Variants in GRAMD1C observed in about 807,000 individuals in gnomAD.
The protein encoded by GRAMD1C is protein Aster-C.
A neutral mutation model predicts 97.8 loss-of-function variants in GRAMD1C; 89 were observed. The ratio of observed to expected loss-of-function variants is 0.91; its 90% CI spans 0.77 to 1.09. The LOEUF (loss-of-function observed/expected upper bound fraction) is 1.09. Among genes scored for constraint, GRAMD1C ranks in the 50% least tolerant of loss-of-function variants. The pLI is 0.00. For synonymous variants in GRAMD1C, 256 were observed against 267.0 expected, an observed-to-expected ratio of 0.96 and a Z score of 0.40; for missense variants, 740 against 766.4, an observed-to-expected ratio of 0.97 and a Z score of 0.41.
At chr3:113,850,850 G>A (rs958660771) in intron 2 of GRAMD1C, 2 of 377,648 alleles carry the variant, frequency 5.3e-6, no homozygotes, top group East Asian at 4.9e-5. Context: ...CACCCAGGCA[G>A]GAGTGCAGTG....
chr3:113,860,266 C>T (rs954518944), intron 2 of GRAMD1C, among the ~76,000 whole-genome samples: 85 of 152,148 alleles, frequency 5.6e-4, no homozygotes, highest in African/African-American at 1.4e-3. Context: ...ATGATCCACC[C>T]GCCTTGGCCT....
chr3:113,844,479 A>T (rs771442052), intron 1 of GRAMD1C, 24 bp from the exon 2 acceptor site: 2 of 1,539,300 alleles, frequency 1.3e-6, no homozygotes, highest in South Asian at 2.3e-5. Flanking sequence ...TAAATAATTG[A>T]CTTAGTTTGA....
At chr3:113,857,213 T>C (rs1236767272) in intron 2 of GRAMD1C, among the ~76,000 whole-genome samples, 2 of 152,152 alleles carry the variant, frequency 1.3e-5, no homozygotes. Context: ...TTGCACTGGC[T>C]GAAACTTCCA....
Position 113,904,229 on chromosome 3 carries a change from G to A in GRAMD1C, c.746G>A (p.Arg249Gln), listed in dbSNP as rs374197239. ...AGTTTTACCAGTGAATCAATTAGTC[G>A]GGTTTCAGAAACAGAGTCATTCGAT... ...SISFTSESIS[R>Q]VSETESFDGN... The change falls in exon 8 of 18, where the codon CGG (arginine) becomes CAG (glutamine). Residue 249 changes from arginine to glutamine, a missense_variant. Coordinates refer to ENST00000358160, the MANE Select transcript of GRAMD1C (RefSeq NM_017577.5). 45 of 1,608,282 alleles carry A rather than the reference G, an allele frequency of 2.8e-5. No individual in the cohort carries two copies. Among genetic ancestry groups the A allele is most frequent in the Middle Eastern group, 1.7e-4 (1 of 6,052 alleles).
intron 2 of GRAMD1C, among the ~76,000 whole-genome samples, chr3:113,862,579 T>G (rs1206035830): frequency 1.3e-5 from 2 of 152,174 alleles, no homozygotes; most frequent in Admixed American, 6.6e-5. Flanking sequence ...ATTTGTGCAG[T>G]TAACGCAATC....
At chr3:113,851,836 C>CA (rs924717990) in intron 2 of GRAMD1C, among the ~76,000 whole-genome samples, 1 of 151,540 alleles carries the variant, frequency 6.6e-6, no homozygotes, top group Non-Finnish European at 1.5e-5. Flanking sequence ...TTTAACTGTG[C>CA]AAAAAATCAG....
intron 2 of GRAMD1C, among the ~76,000 whole-genome samples, chr3:113,860,843 G>C (rs890471278): frequency 6.6e-6 from 1 of 151,952 alleles, no homozygotes; most frequent in South Asian, 2.1e-4. Context: ...GTGGGCACCT[G>C]TAATCCCAGC....
chr3:113,895,238 C>T (rs1398430787), intron 6 of GRAMD1C, among the ~76,000 whole-genome samples: 4 of 152,062 alleles, frequency 2.6e-5, no homozygotes, highest in Non-Finnish European at 4.4e-5. Context: ...ATCTGACTTC[C>T]AAGGTATTCA....
intron 10 of GRAMD1C, among the ~76,000 whole-genome samples, chr3:113,928,261 T>C (rs1937297887): frequency 6.6e-6 from 1 of 152,158 alleles, no homozygotes. Context: ...TGTTGTTTCC[T>C]GTTTGTGAGA....
At chr3:113,942,587 C>A (rs764841396) in intron 17 of GRAMD1C, among the ~76,000 whole-genome samples, 1 of 151,982 alleles carries the variant, frequency 6.6e-6, no homozygotes, top group Non-Finnish European at 1.5e-5. Context: ...AGGAGCTGAG[C>A]GGAAGAGGGA....
intron 9 of GRAMD1C, among the ~76,000 whole-genome samples, chr3:113,912,055 C>T (rs1487781049): frequency 2.0e-5 from 3 of 152,002 alleles, no homozygotes; most frequent in Admixed American, 2.0e-4. Flanking sequence ...CTTTAGAGGC[C>T]CCATCTCCAA....
intron 6 of GRAMD1C, chr3:113,885,836 C>T: frequency 3.1e-6 from 5 of 1,611,662 alleles, no homozygotes; most frequent in Non-Finnish European, 4.2e-6. Context: ...GTGACCTCTC[C>T]AGCATTGTGA....
At chr3:113,843,526 C>G (rs1168696576) in intron 1 of GRAMD1C, among the ~76,000 whole-genome samples, 1 of 152,160 alleles carries the variant, frequency 6.6e-6, no homozygotes, top group African/African-American at 2.4e-5. Context: ...GTCACCCAGG[C>G]TGGCATGCAG....
intron 10 of GRAMD1C, among the ~76,000 whole-genome samples, chr3:113,923,382 A>T (rs1937129164): frequency 6.6e-6 from 1 of 152,104 alleles, no homozygotes; most frequent in Non-Finnish European, 1.5e-5. Flanking sequence ...TTGCCCATTC[A>T]GTATGATGTT....
upstream of GRAMD1C, among the ~76,000 whole-genome samples, chr3:113,836,734 T>C (rs944320604): frequency 1.3e-5 from 2 of 151,934 alleles, no homozygotes; most frequent in Non-Finnish European, 2.9e-5. Flanking sequence ...GCCTCCACTT[T>C]CCAGGTTCAA....
chr3:113,855,425 C>T (rs1035335590), intron 2 of GRAMD1C, among the ~76,000 whole-genome samples: 6 of 151,206 alleles, frequency 4.0e-5, no homozygotes, highest in Non-Finnish European at 5.9e-5. Context: ...TGATTTTGGC[C>T]GGCCACAGTG....
chr3:113,918,656 T>A (rs996281960), intron 10 of GRAMD1C, among the ~76,000 whole-genome samples: 2 of 152,204 alleles, frequency 1.3e-5, no homozygotes, highest in African/African-American at 4.8e-5. Flanking sequence ...CAAAGCATAC[T>A]GCTATCTTCT....
intron 10 of GRAMD1C, among the ~76,000 whole-genome samples, chr3:113,930,158 C>A (rs1442495352): frequency 6.6e-6 from 1 of 152,074 alleles, no homozygotes; most frequent in Non-Finnish European, 1.5e-5. Flanking sequence ...ATCTTATAGT[C>A]TTCTTAAGAC....
intron 2 of GRAMD1C, chr3:113,850,170 T>G: frequency 2.3e-6 from 1 of 432,854 alleles, no homozygotes; most frequent in Non-Finnish European, 4.5e-6. Flanking sequence ...TATTTGTCAA[T>G]TGTATATACT....
Sources: allele counts gnomAD v4.1 joint callset (sites outside exome capture counted in the v4.1 genomes callset), GRCh38; gene constraint gnomAD v4.1.1; transcripts MANE v1.5; gene names NCBI Gene and HGNC (gene_info 2026-07-23, HGNC 2026-07-21).